The following CCDC15 variants were observed in gnomAD, a reference collection of about 807,000 sequenced individuals.
CCDC15 encodes the protein coiled-coil domain containing 15, also known as coiled-coil domain-containing protein 15.
CCDC15 carries 105 observed loss-of-function variants against 114.5 expected under a neutral mutation model. The observed-to-expected ratio is 0.92, with a 90% confidence interval of 0.78 to 1.08. CCDC15 has a LOEUF of 1.08. CCDC15 is among the 50% of genes least tolerant of loss of function. The pLI, the probability that CCDC15 is intolerant of heterozygous loss-of-function variation, is 0.00. For missense variants in CCDC15, 1,105 were observed against 1,093.6 expected, an observed-to-expected ratio of 1.01 and a Z score of -0.15; for synonymous variants, 334 against 377.8, an observed-to-expected ratio of 0.88 and a Z score of 1.34.
At chr11:124,960,703 A>G (rs1591568159) in intron 4 of CCDC15, among the ~76,000 whole-genome samples, 2 of 152,180 alleles carry the variant, frequency 1.3e-5, no homozygotes, top group African/African-American at 4.8e-5. Context: ...TTATATACCT[A>G]ATATTTAAAA....
chr11:125,032,149 G>A (rs1037181892), intron 13 of CCDC15, among the ~76,000 whole-genome samples: 1 of 152,188 alleles, frequency 6.6e-6, no homozygotes, highest in Non-Finnish European at 1.5e-5. Flanking sequence ...TCAGCATAAT[G>A]TCATCAATGT....
chr11:124,956,011 G>A (rs1307860697), intron 2 of CCDC15, among the ~76,000 whole-genome samples: 1 of 152,154 alleles, frequency 6.6e-6, no homozygotes, highest in Non-Finnish European at 1.5e-5. Flanking sequence ...AGGAGAGTAA[G>A]AAGTAAGCAA....
chr11:124,968,617 GAGGCGATGC>G (rs1243728649), intron 4 of CCDC15, among the ~76,000 whole-genome samples: 3 of 152,154 alleles, frequency 2.0e-5, no homozygotes, highest in Non-Finnish European at 4.4e-5. Context: ...CTTCCTGGGT[GAGGCGATGC>G]CCCACCCTGC....
At chr11:124,968,055 A>G (rs1168646505) in intron 4 of CCDC15, among the ~76,000 whole-genome samples, 1 of 152,078 alleles carries the variant, frequency 6.6e-6, no homozygotes, top group Non-Finnish European at 1.5e-5. Context: ...TGGCTGTGTG[A>G]GGTGTCAGTC....
At chr11:124,997,657 G>T (rs1287474833) in intron 11 of CCDC15, among the ~76,000 whole-genome samples, 1 of 152,126 alleles carries the variant, frequency 6.6e-6, no homozygotes, top group Non-Finnish European at 1.5e-5. Flanking sequence ...TAAAGATACT[G>T]CCAACTGGGC....
At chr11:125,001,264 T>C (rs1948476808) in intron 11 of CCDC15, among the ~76,000 whole-genome samples, 1 of 152,228 alleles carries the variant, frequency 6.6e-6, no homozygotes, top group Non-Finnish European at 1.5e-5. Context: ...GCAACATGCA[T>C]ATTGGATGAC....
In CCDC15 at chr11:124,986,906, A is replaced by G. The variant is rs181781211; in HGVS notation, c.900+18A>G. On this transcript the variant is annotated intron_variant, in intron 7 of 15. Transcript: ENST00000344762. ...GAGTTCAGGTAAAGCAATAAGAGAA[A>G]TTAAATTAATTGTGATTTGGACTAG... 153 of 1,524,374 alleles carry G rather than the reference A, an allele frequency of 1.0e-4. 1 individual carries two copies. The African/African-American group carries it at 1.9e-3, about 19-fold the overall frequency. 94.4% of individuals were successfully genotyped at this position (1,524,374 alleles called of 1,614,324 possible). A position where few individuals can be genotyped will look rare whatever the true frequency, so the allele number is the denominator to read the frequency against.
intron 11 of CCDC15, among the ~76,000 whole-genome samples, chr11:124,995,750 G>C (rs1414309648): frequency 1.3e-5 from 2 of 152,158 alleles, no homozygotes; most frequent in Non-Finnish European, 2.9e-5. Context: ...TTCAATTCAG[G>C]TTACAGCTTT....
In CCDC15 at chr11:125,038,582, C is replaced by T; in HGVS notation, c.2563C>T (p.Gln855Ter). 1 of 1,569,090 alleles carries T rather than the reference C, an allele frequency of 6.4e-7. No individual in the cohort carries two copies. Among genetic ancestry groups the T allele is most frequent in the Admixed American group, 2.0e-5 (1 of 50,192 alleles). ...AATAAAAGGAACCAGAGAAAAACAA[C>T]AGAGAGAAAAAGAATACCTGAGGTA... Reference protein sequence around the residue: ...QEIKGTREKQQREKEYLRYVE... With the variant: ...QEIKGTREKQ The change falls in exon 14 of 16, where the codon CAG (glutamine) becomes TAG (stop). Residue 855 changes from glutamine to a stop codon, truncating the protein, a stop_gained. Coordinates refer to ENST00000344762, the MANE Select transcript of CCDC15 (RefSeq NM_025004.3). LOFTEE classifies it high-confidence loss of function.
intron 4 of CCDC15, among the ~76,000 whole-genome samples, chr11:124,971,815 A>G (rs1254253677): frequency 6.6e-6 from 1 of 152,108 alleles, no homozygotes; most frequent in Non-Finnish European, 1.5e-5. Flanking sequence ...GTTAATATTC[A>G]TATTTCTGAG....
In CCDC15 at chr11:125,041,213, G is replaced by A. The variant is rs1354948067; in HGVS notation, c.*502G>A. ...GATTTGTTGCACATTTTTTTCCTCAGCATTTTTTCCTCTTGTTTTTTAAAA... is the reference window on the plus strand; with the variant it reads ...GATTTGTTGCACATTTTTTTCCTCAACATTTTTTCCTCTTGTTTTTTAAAA... On this transcript the variant is annotated 3_prime_UTR_variant, in exon 16 of 16. Transcript: ENST00000344762. 2.6e-5 allele frequency: 4 copies of A among 152,022 alleles called. No individual in the cohort carries two copies. Among genetic ancestry groups the A allele is most frequent in the East Asian group, 1.9e-4 (1 of 5,194 alleles). The allele number at this position is 152,022 out of a possible 1,614,324, so 9.4% of individuals were successfully genotyped here. A position where few individuals can be genotyped will look rare whatever the true frequency, so the allele number is the denominator to read the frequency against.
intron 13 of CCDC15, among the ~76,000 whole-genome samples, chr11:125,011,924 C>T (rs1214246163): frequency 1.3e-5 from 2 of 152,162 alleles, no homozygotes; most frequent in African/African-American, 4.8e-5. Context: ...CTCCAGTCCA[C>T]CCCCTTTCTA....
At chr11:125,019,220 A>G (rs1456208485) in intron 13 of CCDC15, among the ~76,000 whole-genome samples, 1 of 151,966 alleles carries the variant, frequency 6.6e-6, no homozygotes, top group African/African-American at 2.4e-5. Context: ...AGATCGTTAT[A>G]TATTAAGTCC....
At chr11:124,979,293 T>G (rs771432406) in intron 6 of CCDC15, among the ~76,000 whole-genome samples, 9 of 152,132 alleles carry the variant, frequency 5.9e-5, no homozygotes, top group Admixed American at 2.6e-4. Flanking sequence ...TGTTTTCATA[T>G]GAATTTTCAA....
intron 4 of CCDC15, among the ~76,000 whole-genome samples, chr11:124,964,548 G>A (rs1353595967): frequency 6.6e-6 from 1 of 152,138 alleles, no homozygotes; most frequent in African/African-American, 2.4e-5. Context: ...GGGCTGAGTC[G>A]ATGGGGTTTT....
In CCDC15 at chr11:124,983,137, T is replaced by C. The variant is rs117488633; in HGVS notation, c.754-3605T>C. ...TCTTGTAGTGTGTTTTTCAGCTCTA[T>C]CAGATCAGTTTGCTTCTTATAATGG... On this transcript the variant is annotated intron_variant, in intron 6 of 15. Transcript: ENST00000344762. 9.1e-4 allele frequency among the ~76,000 whole-genome samples: 138 copies of C among 152,332 alleles called. 2 individuals carry two copies. The East Asian group carries it at 0.023, about 25-fold the overall frequency.
rs1947845242 is a variant in CCDC15, at chr11:124,969,546, C to T, written c.517-5550C>T. On this transcript the variant is annotated intron_variant, in intron 4 of 15. Transcript: ENST00000344762. ...TGGTTTATTCCAGCTTTTTGTTTCT[C>T]ACTGAATCTTTTACTATCTTATTTC... 3.3e-5 allele frequency among the ~76,000 whole-genome samples: 5 copies of T among 152,146 alleles called. No individual in the cohort carries two copies. The South Asian group carries it at 1.0e-3, about 31-fold the overall frequency.
In CCDC15 at chr11:124,991,472, T is replaced by G. The variant is rs759642031; in HGVS notation, c.1920T>G (p.Phe640Leu). The part of the protein sequence containing the change: ...DFLPKYQKVH[F>L]KEPYSDMTDE... ...ATTTTATCTTTTAGAAAGTACACTT[T>G]AAGGAGCCATACTCTGATATGACAG... is the stretch of plus-strand genomic sequence containing the variant. Residue 640 changes from phenylalanine (F) to leucine (L), a missense_variant, in exon 9 of 16, where the codon TTT becomes TTG. By Grantham distance (22) the Phe-to-Leu change is conservative. Coordinates refer to ENST00000344762, the MANE Select transcript of CCDC15 (RefSeq NM_025004.3). 181 of 1,563,904 alleles carry G rather than the reference T, an allele frequency of 1.2e-4. No individual in the cohort carries two copies. The highest frequency in any genetic ancestry group is 1.7e-5 in the Non-Finnish European group (19 of 1,145,690).
chr11:124,985,843 T>C (rs1047840288), intron 6 of CCDC15, among the ~76,000 whole-genome samples: 3 of 151,950 alleles, frequency 2.0e-5, no homozygotes, highest in African/African-American at 7.2e-5. Context: ...ATTAATAGTA[T>C]TGTTTATGGC....
Sources: allele counts gnomAD v4.1 joint callset (sites outside exome capture counted in the v4.1 genomes callset), GRCh38; gene constraint gnomAD v4.1.1; transcripts MANE v1.5; gene names NCBI Gene and HGNC (gene_info 2026-07-23, HGNC 2026-07-21).